Variants in PAK6 observed in about 807,000 individuals in gnomAD.
PAK6 encodes serine/threonine-protein kinase PAK 6.
PAK6 carries 33 observed loss-of-function variants against 60.8 expected under a neutral mutation model. That is an observed-to-expected ratio of 0.54 (90% CI 0.41 to 0.73). PAK6 has a LOEUF of 0.73. Ranked by LOEUF, PAK6 falls within the 30% of genes least tolerant of loss-of-function variation. The probability of loss-of-function intolerance (pLI) is 0.00; values close to 1 mark genes in which losing one functional copy is unlikely to be tolerated. For synonymous variants in PAK6, 404 were observed against 378.5 expected (o/e 1.07, Z -0.78); for missense variants, 845 against 904.1 (o/e 0.93, Z 0.84).
intron 2 of PAK6, chr15:40,247,429 G>C (rs1252850926): frequency 6.6e-6 from 1 of 152,210 alleles, no homozygotes; most frequent in Non-Finnish European, 1.5e-5. Context: ...TCCCAGGGTA[G>C]CCCAGGATGC....
At chr15:40,275,933 C>G in exon 11 of PAK6, 1 of 1,612,888 alleles carries the variant, frequency 6.2e-7, no homozygotes, top group South Asian at 1.1e-5. Context: ...ACAGGTCTCC[C>G]CAGTGCTGCG....
intron 10 of PAK6, among the ~76,000 whole-genome samples, chr15:40,275,285 T>TTTTTTTTTTTTTTTTTTTG (rs2039424037): frequency 1.5e-4 from 6 of 41,302 alleles, no homozygotes; most frequent in Non-Finnish European, 5.9e-5. Flanking sequence ...TGTTGGTTTT[T>TTTTTTTTTTTTTTTTTTTG]TTTTTTTTTT....
intron 5 of PAK6, 33 bp downstream of exon 5, chr15:40,266,528 T>A: frequency 6.4e-7 from 1 of 1,555,358 alleles, no homozygotes; most frequent in Non-Finnish European, 8.7e-7. Flanking sequence ...AGGTGTCCAC[T>A]GGGGAGTGGG....
chr15:40,270,579 G>A (rs939631560), intron 5 of PAK6, among the ~76,000 whole-genome samples: 2 of 152,230 alleles, frequency 1.3e-5, no homozygotes, highest in Admixed American at 1.3e-4. Context: ...CCAGTCCAGG[G>A]GTCCCACTGC....
intron 10 of PAK6, among the ~76,000 whole-genome samples, chr15:40,274,608 G>C (rs1372224982): frequency 6.6e-6 from 1 of 152,230 alleles, no homozygotes; most frequent in Non-Finnish European, 1.5e-5. Flanking sequence ...CTGCTGTCCA[G>C]GGAGGGATCC....
intron 2 of PAK6, 83 bp from the exon 3 acceptor site, chr15:40,253,095 C>A (rs1029115597): frequency 4.8e-6 from 2 of 413,830 alleles, no homozygotes; most frequent in South Asian, 3.4e-5. Flanking sequence ...CGGTTCCCAG[C>A]GCCTGGACGT....
At chr15:40,260,894 C>CT (rs1252893187) in intron 3 of PAK6, among the ~76,000 whole-genome samples, 6 of 96,320 alleles carry the variant, frequency 6.2e-5, no homozygotes, top group African/African-American at 1.7e-4. Flanking sequence ...TTAAAAATTT[C>CT]ATTTTTTTTT....
At chr15:40,249,019 T>A (rs2038582312) in intron 2 of PAK6, among the ~76,000 whole-genome samples, 1 of 152,172 alleles carries the variant, frequency 6.6e-6, no homozygotes, top group South Asian at 2.1e-4. Flanking sequence ...AGAAATTTAT[T>A]TCTCACAGTT....
chr15:40,272,501 G>A (rs139850733), exon 6 of PAK6: 2 of 1,613,748 alleles, frequency 1.2e-6, no homozygotes, highest in African/African-American at 1.3e-5. Context: ...GCCCTGGCTG[G>A]TGAGGACACA....
At chr15:40,272,272 G>A (rs762134147) in exon 6 of PAK6, 1 of 1,613,764 alleles carries the variant, frequency 6.2e-7, no homozygotes, top group East Asian at 2.2e-5. Flanking sequence ...CCCAAGCCTG[G>A]TGGCCAAGGC....
At chr15:40,264,752 G>A (rs2277564) in intron 3 of PAK6, 29 bp from the exon 4 acceptor site, 146,095 of 1,601,904 alleles carry the variant, frequency 0.091, 8,385 homozygotes, top group African/African-American at 0.24. Flanking sequence ...TTTCCCGGGA[G>A]GGAGCTCAAC....
chr15:40,275,915 C>CT lies in PAK6; in HGVS notation c.1879-11dup. 1 of 1,603,912 alleles carries CT rather than the reference C, an allele frequency of 6.2e-7. No homozygotes were observed. Among genetic ancestry groups the CT allele is most frequent in the Non-Finnish European group, 8.5e-7 (1 of 1,173,886 alleles). On this transcript the variant is annotated splice_polypyrimidine_tract_variant and intron_variant, in intron 10 of 10. Coordinates refer to ENST00000560346, the Ensembl canonical transcript of PAK6. ...CAAATTGTGGCTTCATCTTACTGCC[C>CT]TGCCTCTACAGGTCTCCCCAGTGCT...
chr15:40,275,280 G>GTTTTCT lies in PAK6; in HGVS notation c.1879-643_1879-642insCTTTTT, dbSNP rs1448905930. On this transcript the variant is annotated intron_variant, in intron 10 of 10. Coordinates refer to ENST00000560346, the Ensembl canonical transcript of PAK6. ...GACTTGTTTGTTTCTGTTGTTGTTGGTTTTTTTTTTTTTTTTTTTTTTGGA... is the reference window on the plus strand; with the variant it reads ...GACTTGTTTGTTTCTGTTGTTGTTGGTTTTCTTTTTTTTTTTTTTTTTTTTTTTGGA... Among the ~76,000 whole-genome samples, 60 of 56,518 alleles carry GTTTTCT rather than the reference G, an allele frequency of 1.1e-3. 1 individual carries two copies. The highest frequency in any genetic ancestry group is 3.8e-3 in the African/African-American group (53 of 13,844). 37.1% of individuals were successfully genotyped at this position (56,518 alleles called of 152,430 possible). A position where few individuals can be genotyped will look rare whatever the true frequency, so the allele number is the denominator to read the frequency against.
At chr15:40,264,497 A>G (rs999453913) in intron 3 of PAK6, 13 of 565,506 alleles carry the variant, frequency 2.3e-5, no homozygotes, top group Non-Finnish European at 3.3e-5. Flanking sequence ...ACACCCCCAG[A>G]GTCTGCCTGC....
Position 40,253,813 on chromosome 15 carries a change from G to A in PAK6, c.-6+524G>A, listed in dbSNP as rs79983335. 8.2e-3 allele frequency among the ~76,000 whole-genome samples: 1,247 copies of A among 152,334 alleles called. 14 individuals are homozygous for A. Among genetic ancestry groups the A allele is most frequent in the Non-Finnish European group, 0.011 (732 of 68,028 alleles). ...CGATCTGGAGTGTAGGTGCTGCTGG[G>A]AGCACTGGAGGCTAAGCCATGAAGA... is the stretch of plus-strand genomic sequence containing the variant. On this transcript the variant is annotated intron_variant, in intron 3 of 10. Coordinates refer to ENST00000560346, the Ensembl canonical transcript of PAK6.
chr15:40,257,263 C>G (rs926213242), intron 3 of PAK6, among the ~76,000 whole-genome samples: 1 of 152,262 alleles, frequency 6.6e-6, no homozygotes, highest in Non-Finnish European at 1.5e-5. Context: ...TCCCAGCAAT[C>G]CCAGCGCTTA....
intron 3 of PAK6, among the ~76,000 whole-genome samples, chr15:40,255,517 T>G (rs2038810572): frequency 6.6e-6 from 1 of 152,130 alleles, no homozygotes; most frequent in Non-Finnish European, 1.5e-5. Flanking sequence ...CTTGTGGGCA[T>G]CCACATGAGG....
At chr15:40,249,843 C>G (rs2038613289) in intron 2 of PAK6, among the ~76,000 whole-genome samples, 1 of 152,264 alleles carries the variant, frequency 6.6e-6, no homozygotes, top group Admixed American at 6.5e-5. Flanking sequence ...GCTGCCCTCC[C>G]AGACCATACT....
chr15:40,276,164 G>GC, exon 11 of PAK6: 5 of 1,429,162 alleles, frequency 3.5e-6, no homozygotes, highest in Non-Finnish European at 4.9e-6. Flanking sequence ...CTGCCGGCAG[G>GC]ACTTGCCTGC....
Sources: allele counts gnomAD v4.1 joint callset (sites outside exome capture counted in the v4.1 genomes callset), GRCh38; gene constraint gnomAD v4.1.1; transcripts MANE v1.5; gene names NCBI Gene and HGNC (gene_info 2026-07-23, HGNC 2026-07-21).